The following GDF5 variants were observed in gnomAD, a reference collection of about 807,000 sequenced individuals.
GDF5 encodes growth differentiation factor 5, also known as growth/differentiation factor 5.
GDF5 carries 17 observed loss-of-function variants against 34.6 expected under a neutral mutation model. The ratio of observed to expected loss-of-function variants is 0.49; its 90% CI spans 0.34 to 0.74. GDF5 has a LOEUF of 0.74. Ranked by LOEUF, GDF5 falls within the 30% of genes least tolerant of loss-of-function variation. The pLI, the probability that GDF5 is intolerant of heterozygous loss-of-function variation, is 0.01. For missense variants in GDF5, 616 were observed against 661.2 expected (o/e 0.93, Z 0.75); for synonymous variants, 332 against 290.7 (o/e 1.14, Z -1.44).
intron 1 of GDF5, among the ~76,000 whole-genome samples, chr20:35,448,256 G>T (rs2062519783): frequency 6.6e-6 from 1 of 151,776 alleles, no homozygotes; most frequent in Non-Finnish European, 1.5e-5. Context: ...AAGAACCCTA[G>T]CTGGTAAGTA....
chr20:35,434,240 G>A lies in GDF5; in HGVS notation c.1175C>T (p.Pro392Leu), dbSNP rs762361290. The A allele has an allele frequency of 4.3e-6, 7 of 1,614,144 alleles. No individual in the cohort carries two copies. Among genetic ancestry groups the A allele is most frequent in the Non-Finnish European group, 5.9e-6 (7 of 1,180,022 alleles). ...GCAGCGAGCCTTAAGGTTCTTGCTG[G>A]GTCGCTTGCCCTGGCGAGTGGCCAG... ...APLATRQGKR[P>L]SKNLKARCSR... Residue 392 changes from proline (P) to leucine (L), a missense_variant, in exon 2 of 2, where the codon CCC (proline) becomes CTC (leucine). By Grantham distance (98) the Pro-to-Leu change is moderately conservative. Transcript: ENST00000374369.
rs540787144 is a variant in GDF5, at chr20:35,436,923, C to G, written c.631+375G>C. Among the ~76,000 whole-genome samples the G allele has an allele frequency of 2.0e-5, 3 of 152,160 alleles. No homozygotes were observed. In the South Asian group the frequency reaches 6.2e-4, roughly 32 times the overall value. On this transcript the variant is annotated intron_variant, in intron 1 of 1. Transcript: ENST00000374369. ...CATTTCTTTCTCTGCCGTCTGAGACCGCCTACAAACCTGTGAAGCTTGGAA... is the reference window on the plus strand; with the variant it reads ...CATTTCTTTCTCTGCCGTCTGAGACGGCCTACAAACCTGTGAAGCTTGGAA...
intron 1 of GDF5, among the ~76,000 whole-genome samples, chr20:35,450,071 G>C (rs2062525823): frequency 6.6e-6 from 1 of 151,880 alleles, no homozygotes; most frequent in Non-Finnish European, 1.5e-5. Context: ...GGGAAGCCGA[G>C]GTGGGCGGAT....
rs745708689 is a variant in GDF5 at position 35,437,960 on chromosome 20, G to A, written c.-32C>T. ...GCCAGCCGCTGAATGACACCAAAGA[G>A]AACAGCGGCAGCAGCGAAGGTGCCT... On this transcript the variant is annotated 5_prime_UTR_variant, in exon 1 of 2. Transcript: ENST00000374369. 43 of 1,613,158 alleles carry A rather than the reference G, an allele frequency of 2.7e-5. No individual in the cohort carries two copies. The South Asian group carries it at 4.7e-4, about 18-fold the overall frequency.
Position 35,434,688 on chromosome 20 carries a change from G to C in GDF5, c.727C>G (p.Arg243Gly). 1.9e-6 allele frequency: 3 copies of C among 1,612,674 alleles called. No individual in the cohort carries two copies. The highest frequency in any genetic ancestry group is 2.5e-6 in the Non-Finnish European group (3 of 1,179,604). The change falls in exon 2 of 2, where the codon CGG becomes GGG. Residue 243 changes from arginine to glycine, a missense_variant. Transcript: ENST00000374369. ...GLLGAELRILRKKPSDTAKPA... is the reference protein window; with the variant it reads ...GLLGAELRILGKKPSDTAKPA... ...TTGGCCGTGTCCGAGGGCTTCTTCC[G>C]CAAGATCCGCAGCTCGGCCCCCAGC...
Position 35,433,871 on chromosome 20 carries a change from T to C in GDF5, c.*38A>G. 6.3e-7 allele frequency: 1 copy of C among 1,584,770 alleles called. No individual in the cohort carries two copies. The highest frequency in any genetic ancestry group is 1.3e-5 in the African/African-American group (1 of 74,438). The stretch of plus-strand genomic sequence containing the variant: ...TTCCAGGAGTGCAGGAAGGGGCTCT[T>C]GGGATGTGCCACCCAGGAAGACAGA... On this transcript the variant is annotated 3_prime_UTR_variant, in exon 2 of 2. Coordinates refer to ENST00000374369, the MANE Select transcript of GDF5 (RefSeq NM_000557.5).
chr20:35,438,267 A>AT, upstream of GDF5: 1 of 345,682 alleles, frequency 2.9e-6, no homozygotes, highest in African/African-American at 2.1e-5. Flanking sequence ...AGGCTGAGGG[A>AT]TTTTTCCAAG....
exon 1 of GDF5, chr20:35,454,682 C>A (rs1226247113): frequency 6.6e-6 from 1 of 152,204 alleles, no homozygotes; most frequent in Non-Finnish European, 1.5e-5. Flanking sequence ...AGCGTCTGAG[C>A]AGCAAGGTGA....
chr20:35,450,872 T>C (rs185150363), intron 1 of GDF5, among the ~76,000 whole-genome samples: 66 of 151,698 alleles, frequency 4.4e-4, no homozygotes, highest in African/African-American at 1.5e-3. Context: ...CCCCCTCTCC[T>C]AGTCACTTGG....
chr20:35,453,743 C>A (rs775264861), intron 1 of GDF5, among the ~76,000 whole-genome samples: 1 of 152,210 alleles, frequency 6.6e-6, no homozygotes, highest in Non-Finnish European at 1.5e-5. Context: ...TAAAATATAG[C>A]TTTTAAGCGT....
At chr20:35,447,834 G>A (rs1166448753) in intron 1 of GDF5, among the ~76,000 whole-genome samples, 2 of 152,010 alleles carry the variant, frequency 1.3e-5, no homozygotes, top group Non-Finnish European at 2.9e-5. Flanking sequence ...ACTTTATTAG[G>A]CAGGGCACGG....
At chr20:35,451,271 T>C (rs904773451) in intron 1 of GDF5, among the ~76,000 whole-genome samples, 3 of 151,748 alleles carry the variant, frequency 2.0e-5, no homozygotes, top group African/African-American at 7.3e-5. Context: ...CAGAGAGGGT[T>C]TGAGTACAAG....
In GDF5 at chr20:35,451,076, T is replaced by TAA. The variant is rs1221743555; in HGVS notation, c.-398+3563_-398+3564insTT. 7.3e-4 allele frequency among the ~76,000 whole-genome samples: 31 copies of TAA among 42,630 alleles called. 2 individuals carry two copies. Among genetic ancestry groups the TAA allele is most frequent in the African/African-American group, 2.2e-3 (10 of 4,550 alleles). The allele number at this position is 42,630 out of a possible 152,430, so 28.0% of individuals were successfully genotyped here. On this transcript the variant is annotated intron_variant, in intron 1 of 3. Coordinates refer to the GDF5 transcript ENST00000374372. ...AAAAAAAAAAAAAAATATATATATA[T>TAA]ATATATATATATATATACACAAATA...
intron 1 of GDF5, among the ~76,000 whole-genome samples, chr20:35,446,184 C>A (rs916446376): frequency 4.7e-5 from 7 of 148,886 alleles, no homozygotes; most frequent in Admixed American, 4.1e-4. Flanking sequence ...GTGGCAGGCA[C>A]CTGTAATTCC....
chr20:35,451,378 C>T (rs1279819260), intron 1 of GDF5, among the ~76,000 whole-genome samples: 1 of 151,804 alleles, frequency 6.6e-6, no homozygotes, highest in Non-Finnish European at 1.5e-5. Flanking sequence ...TCATCCATTG[C>T]CTTTCCCTCC....
intron 1 of GDF5, among the ~76,000 whole-genome samples, chr20:35,451,634 T>G (rs944796815): frequency 1.3e-5 from 2 of 148,982 alleles, no homozygotes; most frequent in Non-Finnish European, 1.5e-5. Context: ...CAGGCTAGAG[T>G]GCAGTAGGGC....
intron 1 of GDF5, among the ~76,000 whole-genome samples, chr20:35,444,128 C>T (rs1477243984): frequency 2.6e-5 from 4 of 152,130 alleles, no homozygotes; most frequent in East Asian, 3.8e-4. Flanking sequence ...TGGGATGGGC[C>T]CCAGGTAGAG....
intron 1 of GDF5, 92 bp downstream of exon 1, chr20:35,437,206 C>G (rs2062475699): frequency 1.1e-6 from 1 of 918,976 alleles, no homozygotes; most frequent in African/African-American, 1.6e-5. Context: ...CACAGTGTCT[C>G]CCACCAGGGC....
chr20:35,451,053 A>ATATATAT (rs2062530101), intron 1 of GDF5, among the ~76,000 whole-genome samples: 2 of 6,360 alleles, frequency 3.1e-4, no homozygotes, highest in Non-Finnish European at 6.6e-4. Flanking sequence ...AAAAAAAAAA[A>ATATATAT]AAAAAAAAAA....
Sources: allele counts gnomAD v4.1 joint callset (sites outside exome capture counted in the v4.1 genomes callset), GRCh38; gene constraint gnomAD v4.1.1; transcripts MANE v1.5; gene names NCBI Gene and HGNC (gene_info 2026-07-23, HGNC 2026-07-21).